Variants in CCDC88A observed in about 807,000 individuals in gnomAD.
The protein encoded by CCDC88A is girdin.
In CCDC88A, 54 loss-of-function variants were observed where a neutral mutation model predicts 234.3. That is an observed-to-expected ratio of 0.23 (90% CI 0.19 to 0.29). The LOEUF is 0.29. Among genes scored for constraint, CCDC88A ranks in the 10% least tolerant of loss-of-function variants. The pLI is 1.00. For synonymous variants in CCDC88A, 753 were observed against 737.8 expected (o/e 1.02, Z -0.33); for missense variants, 1,832 against 2,123.4 (o/e 0.86, Z 2.70).
intron 7 of CCDC88A, among the ~76,000 whole-genome samples, chr2:55,357,054 G>C (rs921284932): frequency 3.3e-5 from 5 of 152,130 alleles, no homozygotes; most frequent in Non-Finnish European, 7.3e-5. Context: ...TGCAGAATTG[G>C]ACAGCACTGT....
At chr2:55,370,223 C>G (rs1488359817) in intron 5 of CCDC88A, among the ~76,000 whole-genome samples, 1 of 152,170 alleles carries the variant, frequency 6.6e-6, no homozygotes, top group Non-Finnish European at 1.5e-5. Context: ...AAACCAAGGT[C>G]TGACACCCTT....
chr2:55,305,183 G>A (rs1681400940), intron 25 of CCDC88A, among the ~76,000 whole-genome samples: 1 of 152,090 alleles, frequency 6.6e-6, no homozygotes, highest in Non-Finnish European at 1.5e-5. Flanking sequence ...TTCTTTTTCT[G>A]TTTTTAATTT....
chr2:55,354,384 G>A (rs1195115868), intron 8 of CCDC88A, among the ~76,000 whole-genome samples: 1 of 151,904 alleles, frequency 6.6e-6, no homozygotes, highest in Non-Finnish European at 1.5e-5. Flanking sequence ...ACCTGCCTCG[G>A]CCTCCCAAAG....
chr2:55,310,987 A>G (rs1682282260), intron 23 of CCDC88A, among the ~76,000 whole-genome samples: 1 of 152,224 alleles, frequency 6.6e-6, no homozygotes. Context: ...GGATATTTGT[A>G]ATTTAAATTC....
At chr2:55,381,946 TACATG>T (rs1189656144) in intron 3 of CCDC88A, among the ~76,000 whole-genome samples, 2 of 152,218 alleles carry the variant, frequency 1.3e-5, no homozygotes, top group Non-Finnish European at 2.9e-5. Flanking sequence ...TAAAATTCAG[TACATG>T]ACAACATTTA....
intron 18 of CCDC88A, 76 bp downstream of exon 18, chr2:55,322,452 G>T: frequency 1.2e-6 from 1 of 808,504 alleles, no homozygotes; most frequent in Non-Finnish European, 1.9e-6. Flanking sequence ...ATTAGAAAAT[G>T]TATCTAAGAT....
chr2:55,326,173 T>G (rs941929590), intron 17 of CCDC88A, among the ~76,000 whole-genome samples: 32 of 151,350 alleles, frequency 2.1e-4, no homozygotes, highest in African/African-American at 7.7e-4. Context: ...GTTTCTTCTT[T>G]TTTTTTTTGC....
intron 18 of CCDC88A, 145 bp from the exon 19 acceptor site, chr2:55,319,149 A>C (rs1432076701): frequency 6.5e-6 from 4 of 615,246 alleles, no homozygotes; most frequent in Non-Finnish European, 1.0e-5. Flanking sequence ...GAGAAAAAAA[A>C]CCAAAACATT....
rs185285313 is a variant in CCDC88A at position 55,363,250 on chromosome 2, C to T, written c.486+700G>A. 3.6e-4 allele frequency among the ~76,000 whole-genome samples: 55 copies of T among 151,848 alleles called. 1 individual carries two copies. The East Asian group carries it at 7.9e-3, about 22-fold the overall frequency. On this transcript the variant is annotated intron_variant, in intron 6 of 32. Coordinates refer to ENST00000436346, the MANE Select transcript of CCDC88A (RefSeq NM_001365480.1). ...AATGCTAAATAAGAGAAAAGATGTC[C>T]TATGGAACACAAAAGTCTTTTGAAC...
At chr2:55,382,479 C>T (rs1262643800) in intron 3 of CCDC88A, among the ~76,000 whole-genome samples, 1 of 152,138 alleles carries the variant, frequency 6.6e-6, no homozygotes, top group African/African-American at 2.4e-5. Context: ...AATATAGTCA[C>T]ACCAAACACT....
At chr2:55,316,686 G>A (rs11125562) in intron 21 of CCDC88A, among the ~76,000 whole-genome samples, 13,370 of 152,222 alleles carry the variant, frequency 0.088, 1,390 homozygotes, top group African/African-American at 0.25. Context: ...AGTAAGCTAT[G>A]ATCATGCTAC....
rs147639776 is a variant in CCDC88A at position 55,388,814 on chromosome 2, T to C, written c.237A>G (p.Leu79=). Reference sequence around the variant, plus strand: ...ATTTTATCTGTCTCACCAAAATGGATAGATTGTGCATTCTAAGTGAGGCAT... The same window carrying C: ...ATTTTATCTGTCTCACCAAAATGGACAGATTGTGCATTCTAAGTGAGGCAT... ...NNDASLRMHN[L]SILVRQIKFY... The change falls in exon 3 of 33, where the codon CTA becomes CTG. Residue 79 remains leucine, a synonymous_variant. Coordinates refer to ENST00000436346, the MANE Select transcript of CCDC88A (RefSeq NM_001365480.1). The C allele has an allele frequency of 2.1e-3, 3,169 of 1,533,236 alleles. 6 individuals carry two copies. The highest frequency in any genetic ancestry group is 4.7e-3 in the Middle Eastern group (28 of 5,900). 95.0% of individuals were successfully genotyped at this position (1,533,236 alleles called of 1,614,324 possible).
chr2:55,296,680 A>G (rs973057287), intron 29 of CCDC88A, 157 bp from the exon 30 acceptor site: 1 of 702,988 alleles, frequency 1.4e-6, no homozygotes, highest in Non-Finnish European at 2.3e-6. Flanking sequence ...TCAATCTTTT[A>G]TCAGTCTAAC....
chr2:55,388,738 G>GT, intron 3 of CCDC88A, 40 bp downstream of exon 3: 1 of 756,274 alleles, frequency 1.3e-6, no homozygotes, highest in South Asian at 1.6e-5. Flanking sequence ...AAAAATGTAA[G>GT]TAGTTATTAA....
In CCDC88A at chr2:55,290,549, A is replaced by G. The variant is rs574357755; in HGVS notation, c.*651T>C. On this transcript the variant is annotated 3_prime_UTR_variant, in exon 33 of 33. Transcript: ENST00000436346. ...AGATTAATATCACTATAAATTTTTT[A>G]TAACTCCTATTTCATTATGGATTTT... The G allele has an allele frequency of 1.1e-4, 17 of 152,252 alleles. No individual in the cohort carries two copies. Among genetic ancestry groups the G allele is most frequent in the African/African-American group, 3.8e-4 (16 of 41,590 alleles). The allele number at this position is 152,252 out of a possible 1,614,324, so 9.4% of individuals were successfully genotyped here. A position where few individuals can be genotyped will look rare whatever the true frequency, so the allele number is the denominator to read the frequency against.
intron 23 of CCDC88A, among the ~76,000 whole-genome samples, chr2:55,310,181 A>G (rs1303381872): frequency 2.0e-5 from 3 of 152,244 alleles, no homozygotes; most frequent in Admixed American, 6.5e-5. Flanking sequence ...TTTGTTTTAC[A>G]TTCTGCTCAG....
chr2:55,419,107 A>C lies in CCDC88A; in HGVS notation c.-28T>G. ...TACAGAGTATGTATTTGAAAAAAGG[A>C]ACTACCACAAAAATACGCCTAGGGA... On this transcript the variant is annotated 5_prime_UTR_variant, in exon 1 of 33. Coordinates refer to ENST00000436346, the MANE Select transcript of CCDC88A (RefSeq NM_001365480.1). 7.2e-7 allele frequency: 1 copy of C among 1,391,294 alleles called. No homozygotes were observed. The highest frequency in any genetic ancestry group is 1.0e-6 in the Non-Finnish European group (1 of 980,990). The allele number at this position is 1,391,294 out of a possible 1,614,324, so 86.2% of individuals were successfully genotyped here.
Position 55,301,971 on chromosome 2 carries a change from T to C in CCDC88A, c.4573A>G (p.Lys1525Glu). ...PDDISTGKRR[K>E]ELGAMAFSTT... ...GAGAAGGCCATAGCTCCCAATTCTTTTCTCCTTTTACCCGTTGAAATATCA... is the reference window on the plus strand; with the variant it reads ...GAGAAGGCCATAGCTCCCAATTCTTCTCTCCTTTTACCCGTTGAAATATCA... Residue 1525 changes from lysine to glutamate, a missense_variant, in exon 27 of 33, where the codon AAA becomes GAA. Coordinates refer to ENST00000436346, the MANE Select transcript of CCDC88A (RefSeq NM_001365480.1). The C allele has an allele frequency of 6.2e-7, 1 of 1,614,156 alleles. No homozygotes were observed. The highest frequency in any genetic ancestry group is 8.5e-7 in the Non-Finnish European group (1 of 1,179,988).
chr2:55,308,764 A>G (rs756072009), intron 25 of CCDC88A, 45 bp downstream of exon 25: 2 of 1,457,768 alleles, frequency 1.4e-6, no homozygotes, highest in East Asian at 4.6e-5. Context: ...AATCTTTAGA[A>G]AGGATTCTAA....
Sources: gnomAD v4.1 joint callset for allele counts (sites outside exome capture counted in the v4.1 genomes callset) on GRCh38, gnomAD v4.1.1 for gene constraint, MANE v1.5 for transcripts, NCBI Gene and HGNC (gene_info 2026-07-23, HGNC 2026-07-21) for gene names.